KIAA1671: variants seen among roughly 807,000 people sequenced by gnomAD.
KIAA1671 encodes the protein uncharacterized protein KIAA1671.
In KIAA1671, 52 loss-of-function variants were observed where a neutral mutation model predicts 131.2. That is an observed-to-expected ratio of 0.40 (90% CI 0.32 to 0.50). The LOEUF (loss-of-function observed/expected upper bound fraction) is 0.50, where lower values mean the gene tolerates loss of function less well. Among genes scored for constraint, KIAA1671 ranks in the 20% least tolerant of loss-of-function variants. The pLI is 0.73. For missense variants in KIAA1671, 2,360 were observed against 2,364.2 expected, an observed-to-expected ratio of 1.00 and a Z score of 0.04; for synonymous variants, 1,003 against 961.6, an observed-to-expected ratio of 1.04 and a Z score of -0.80.
chr22:25,080,077 A>G (rs1272099799), intron 6 of KIAA1671, among the ~76,000 whole-genome samples: 1 of 152,200 alleles, frequency 6.6e-6, no homozygotes, highest in Non-Finnish European at 1.5e-5. Flanking sequence ...AGAGTTTGCC[A>G]TCTGCTAAAA....
intron 3 of KIAA1671, among the ~76,000 whole-genome samples, chr22:25,031,222 G>A (rs1365223790): frequency 3.8e-5 from 5 of 132,404 alleles, no homozygotes; most frequent in African/African-American, 5.6e-5. Flanking sequence ...TTTTTGAGAC[G>A]GAGTCTCGCT....
chr22:25,162,220 G>A (rs1399943468), intron 6 of KIAA1671, among the ~76,000 whole-genome samples: 1 of 152,180 alleles, frequency 6.6e-6, no homozygotes, highest in Non-Finnish European at 1.5e-5. Flanking sequence ...TTATTGCTTG[G>A]CCATGGTACT....
chr22:25,177,281 G>C, intron 8 of KIAA1671, 67 bp from the exon 9 acceptor site: 1 of 1,431,560 alleles, frequency 7.0e-7, no homozygotes, highest in South Asian at 1.4e-5. Flanking sequence ...ACCGCCAACT[G>C]TGTTGTGGTA....
At chr22:24,984,055 G>C (rs984107220) in intron 1 of KIAA1671, among the ~76,000 whole-genome samples, 2 of 152,110 alleles carry the variant, frequency 1.3e-5, no homozygotes, top group Admixed American at 6.6e-5. Flanking sequence ...TAGGATTACA[G>C]GTGTGAGCAA....
intron 6 of KIAA1671, among the ~76,000 whole-genome samples, chr22:25,160,296 ACGGGTGT>A (rs1933394201): frequency 6.6e-6 from 1 of 152,288 alleles, no homozygotes; most frequent in African/African-American, 2.4e-5. Context: ...ACAGGTGCAC[ACGGGTGT>A]GCCCCTGTGG....
At chr22:25,033,568 GTTTTCGTTTT>G (rs1254774815) in intron 4 of KIAA1671, among the ~76,000 whole-genome samples, 6 of 61,916 alleles carry the variant, frequency 9.7e-5, no homozygotes, top group Non-Finnish European at 1.9e-4. Context: ...TGGTTGGTTT[GTTTTCGTTTT>G]TTTTTTTTTT....
rs7284301 is a variant in KIAA1671 at position 25,129,505 on chromosome 22, C to G, written c.4531-41315C>G. Among the ~76,000 whole-genome samples, 6 of 142,128 alleles carry G rather than the reference C, an allele frequency of 4.2e-5. No individual in the cohort carries two copies. In the Middle Eastern group the frequency reaches 0.018, roughly 420 times the overall value. The allele number at this position is 142,128 out of a possible 152,430, so 93.2% of individuals were successfully genotyped here. A position where few individuals can be genotyped will look rare whatever the true frequency, so the allele number is the denominator to read the frequency against. On this transcript the variant is annotated intron_variant, in intron 6 of 12. Transcript: ENST00000358431. Reference sequence around the variant, plus strand: ...CTGGGCAACAAGAGCAAGACTCCATCTGAAAAAAAAAAAAAACCCACAGAT... The same window carrying G: ...CTGGGCAACAAGAGCAAGACTCCATGTGAAAAAAAAAAAAAACCCACAGAT...
At chr22:25,016,428 A>T (rs1315957535) in intron 1 of KIAA1671, among the ~76,000 whole-genome samples, 1 of 152,192 alleles carries the variant, frequency 6.6e-6, no homozygotes, top group East Asian at 1.9e-4. Flanking sequence ...TGGAAAACAC[A>T]GAACCGATGA....
intron 1 of KIAA1671, among the ~76,000 whole-genome samples, chr22:24,995,123 T>G (rs926951445): frequency 1.3e-5 from 2 of 150,660 alleles, no homozygotes; most frequent in African/African-American, 4.9e-5. Context: ...CGATCTCAGC[T>G]CACTGCAAGC....
Position 25,038,888 on chromosome 22 carries a change from C to A in KIAA1671, c.1758C>A (p.Arg586=). ...VSSNQDPDSC[R]GGSSVEAPCP... ...CTAACCAAGACCCCGACAGCTGTCG[C>A]GGTGGAAGCTCAGTGGAGGCCCCGT... Residue 586 remains arginine, a synonymous_variant, in exon 5 of 13, where the codon CGC becomes CGA. Transcript: ENST00000358431. 2.6e-6 allele frequency: 4 copies of A among 1,551,784 alleles called. No individual in the cohort carries two copies. The South Asian group carries it at 3.6e-5, about 14-fold the overall frequency.
At chr22:25,001,233 G>A (rs79679018) in intron 1 of KIAA1671, among the ~76,000 whole-genome samples, 18,911 of 43,912 alleles carry the variant, frequency 0.43, 1,363 homozygotes, top group East Asian at 0.57. Flanking sequence ...GTATGTGTGT[G>A]TATATGTGTG....
rs1422621660 is a variant in KIAA1671, at chr22:25,034,800, C to T, written c.1629+2104C>T. 3.9e-5 allele frequency among the ~76,000 whole-genome samples: 6 copies of T among 152,102 alleles called. No homozygotes were observed. The East Asian group carries it at 5.8e-4, about 15-fold the overall frequency. On this transcript the variant is annotated intron_variant, in intron 4 of 12. Coordinates refer to ENST00000358431, the MANE Select transcript of KIAA1671 (RefSeq NM_001145206.2). ...TTGCCCAGGCTGGAGTGCAATGGCGCGATCTCGGCTCACTGCAAGCTCCGC... is the reference window on the plus strand; with the variant it reads ...TTGCCCAGGCTGGAGTGCAATGGCGTGATCTCGGCTCACTGCAAGCTCCGC...
chr22:25,106,342 T>G (rs570817630), intron 6 of KIAA1671, among the ~76,000 whole-genome samples: 50 of 152,314 alleles, frequency 3.3e-4, no homozygotes, highest in African/African-American at 1.2e-3. Flanking sequence ...CATCTGGACA[T>G]AGCCTTCAGT....
chr22:25,044,862 G>A (rs937156975), intron 5 of KIAA1671, among the ~76,000 whole-genome samples: 2 of 152,096 alleles, frequency 1.3e-5, no homozygotes, highest in African/African-American at 4.8e-5. Context: ...GAATGCTTGC[G>A]TAAAATGTGA....
rs1922423139 is a variant in KIAA1671, at chr22:24,968,520, C to A, written c.-208+15748C>A. ...CATGGGAATGGTTTCCTGTATCCACCCCAGCATCCACACCCATGGAATGGG... is the reference window on the plus strand; with the variant it reads ...CATGGGAATGGTTTCCTGTATCCACACCAGCATCCACACCCATGGAATGGG... On this transcript the variant is annotated intron_variant, in intron 1 of 12. Transcript: ENST00000358431. Among the ~76,000 whole-genome samples the A allele has an allele frequency of 2.0e-5, 3 of 152,180 alleles. No homozygotes were observed. In the South Asian group the frequency reaches 6.2e-4, roughly 32 times the overall value.
At chr22:25,000,657 C>T (rs1385440580) in intron 1 of KIAA1671, among the ~76,000 whole-genome samples, 2 of 151,976 alleles carry the variant, frequency 1.3e-5, no homozygotes, top group Non-Finnish European at 2.9e-5. Context: ...GCTGAGATTA[C>T]AGGTGCATGC....
rs1427809171 is a variant in KIAA1671 at position 25,194,642 on chromosome 22, T to G, written c.*2241T>G. Reference sequence around the variant, plus strand: ...ATCTCTCATACCTTAATTGGAAAAATAATCAATTAATTCTATGTTAATTAG... The same window carrying G: ...ATCTCTCATACCTTAATTGGAAAAAGAATCAATTAATTCTATGTTAATTAG... On this transcript the variant is annotated 3_prime_UTR_variant, in exon 13 of 13. Coordinates refer to ENST00000358431, the MANE Select transcript of KIAA1671 (RefSeq NM_001145206.2). The G allele has an allele frequency of 6.6e-6, 1 of 152,116 alleles. No individual in the cohort carries two copies. The highest frequency in any genetic ancestry group is 1.5e-5 in the Non-Finnish European group (1 of 68,004). The allele number at this position is 152,116 out of a possible 1,614,324, so 9.4% of individuals were successfully genotyped here.
intron 6 of KIAA1671, among the ~76,000 whole-genome samples, chr22:25,093,311 G>C (rs1451616851): frequency 1.3e-5 from 2 of 152,130 alleles, no homozygotes; most frequent in African/African-American, 4.8e-5. Context: ...CAGAGGCTCA[G>C]ATTTCTCATC....
In KIAA1671 at chr22:25,155,625, AGT is replaced by A. The variant is rs528422148; in HGVS notation, c.4531-15192_4531-15191del. ...TTGTGTATATTTGTGTTTGTGTGAA[AGT>A]GTTTTTTGTGTATATGCATTTGTGT... On this transcript the variant is annotated intron_variant, in intron 6 of 12. Transcript: ENST00000358431. Among the ~76,000 whole-genome samples the A allele has an allele frequency of 9.3e-5, 14 of 151,234 alleles. No individual in the cohort carries two copies. In the South Asian group the frequency reaches 2.3e-3, roughly 25 times the overall value.
Sources: allele counts gnomAD v4.1 joint callset (sites outside exome capture counted in the v4.1 genomes callset), GRCh38; gene constraint gnomAD v4.1.1; transcripts MANE v1.5; gene names NCBI Gene and HGNC (gene_info 2026-07-23, HGNC 2026-07-21).